TLE4: variants seen among roughly 807,000 people sequenced by gnomAD.
TLE4 encodes transducin-like enhancer protein 4.
A neutral mutation model predicts 92.8 loss-of-function variants in TLE4; 8 were observed. That is an observed-to-expected ratio of 0.09 (90% CI 0.05 to 0.16). The LOEUF (loss-of-function observed/expected upper bound fraction) is 0.16. Ranked by LOEUF, TLE4 falls within the 10% of genes least tolerant of loss-of-function variation. The pLI, the probability that TLE4 is intolerant of heterozygous loss-of-function variation, is 1.00. For synonymous variants in TLE4, 371 were observed against 374.1 expected, an observed-to-expected ratio of 0.99 and a Z score of 0.10; for missense variants, 675 against 997.6, an observed-to-expected ratio of 0.68 and a Z score of 4.36.
Position 79,708,731 on chromosome 9 carries a change from T to G in TLE4, c.1208T>G (p.Met403Arg). 1 of 1,611,828 alleles carries G rather than the reference T, an allele frequency of 6.2e-7. No individual in the cohort carries two copies. The highest frequency in any genetic ancestry group is 2.2e-5 in the East Asian group (1 of 44,878). ...YAGLHNISPQMSAAAAAAAAA... is the reference protein window; with the variant it reads ...YAGLHNISPQRSAAAAAAAAA... ...GGGCTCCACAACATCTCCCCTCAGA[T>G]GAGCGCAGCTGCTGCCGCCGCCGCT... is the stretch of plus-strand genomic sequence containing the variant. The change falls in exon 13 of 20, where the codon ATG becomes AGG. Residue 403 changes from methionine (M) to arginine (R), a missense_variant. Physicochemically the swap from Met to Arg is moderately conservative, Grantham distance 91. Coordinates refer to ENST00000376552, the MANE Select transcript of TLE4 (RefSeq NM_007005.6).
In TLE4 at chr9:79,599,245, T is replaced by C. The variant is rs56375340; in HGVS notation, c.253-13411T>C. On this transcript the variant is annotated intron_variant, in intron 4 of 19. Coordinates refer to ENST00000376552, the MANE Select transcript of TLE4 (RefSeq NM_007005.6). ...GTGTGGCATTCAAGACCTTCCATAG[T>C]CTGACCCCAGTGAACCTCTTCTGTC... is the stretch of plus-strand genomic sequence containing the variant. Among the ~76,000 whole-genome samples the C allele has an allele frequency of 1.4e-3, 210 of 152,306 alleles. 1 individual carries two copies. The highest frequency in any genetic ancestry group is 4.9e-3 in the African/African-American group (205 of 41,550).
Position 79,572,765 on chromosome 9 carries a change from G to A in TLE4, c.-26G>A. The A allele has an allele frequency of 6.3e-7, 1 of 1,596,632 alleles. No homozygotes were observed. The highest frequency in any genetic ancestry group is 1.1e-5 in the South Asian group (1 of 89,138). On this transcript the variant is annotated 5_prime_UTR_variant, in exon 1 of 20. Coordinates refer to ENST00000376552, the MANE Select transcript of TLE4 (RefSeq NM_007005.6). ...AGCCAATGAGCCGCGCGCCTCTGCC[G>A]AGCGCAGCCAACTAAATCGGCTTGG... is the stretch of plus-strand genomic sequence containing the variant.
At chr9:79,643,884 A>G (rs1184687686) in intron 6 of TLE4, among the ~76,000 whole-genome samples, 2 of 152,200 alleles carry the variant, frequency 1.3e-5, no homozygotes, top group Admixed American at 6.5e-5. Context: ...TCAAATTAAT[A>G]TTCTGTAAAG....
In TLE4 at chr9:79,574,926, A is replaced by C; in HGVS notation, c.197A>C (p.His66Pro). The change falls in exon 3 of 20, where the codon CAT (histidine) becomes CCT (proline). Residue 66 changes from histidine to proline, a missense_variant. His to Pro is a moderately conservative substitution (Grantham distance 77). Around this residue, in one of 5 missense-constraint regions of TLE4, gnomAD observed 68 missense variants for 141.2 expected, o/e 0.48. Coordinates refer to ENST00000376552, the MANE Select transcript of TLE4 (RefSeq NM_007005.6). ...LASEKTEMQR[H>P]YVMYYEMSYG... ...AGTGAGAAGACAGAGATGCAGCGGC[A>C]TTATGTCATGGTAAGAAAACCATGT... 6.2e-7 allele frequency: 1 copy of C among 1,613,512 alleles called. No homozygotes were observed. The highest frequency in any genetic ancestry group is 8.5e-7 in the Non-Finnish European group (1 of 1,179,544).
chr9:79,688,471 A>T (rs2066359470), intron 8 of TLE4, among the ~76,000 whole-genome samples: 1 of 152,038 alleles, frequency 6.6e-6, no homozygotes, highest in African/African-American at 2.4e-5. Context: ...GTGCAGTTGG[A>T]TTGCAGTATA....
chr9:79,654,495 A>ATTT (rs557985264), intron 8 of TLE4, among the ~76,000 whole-genome samples: 66 of 143,254 alleles, frequency 4.6e-4, no homozygotes, highest in African/African-American at 1.7e-3. Flanking sequence ...TGAATGGTGC[A>ATTT]TTTTTTTTTT....
intron 4 of TLE4, among the ~76,000 whole-genome samples, chr9:79,580,981 G>A (rs2039500064): frequency 6.6e-6 from 1 of 152,152 alleles, no homozygotes; most frequent in Admixed American, 6.5e-5. Flanking sequence ...GACTATGTGT[G>A]TGGGGGTGGG....
intron 9 of TLE4, among the ~76,000 whole-genome samples, chr9:79,705,179 AT>A (rs1054914672): frequency 2.0e-5 from 3 of 152,218 alleles, no homozygotes; most frequent in Admixed American, 6.5e-5. Flanking sequence ...TTCCCCATTC[AT>A]TTCAGAGTGG....
At chr9:79,691,202 C>G (rs1011630687) in intron 8 of TLE4, among the ~76,000 whole-genome samples, 2 of 152,110 alleles carry the variant, frequency 1.3e-5, no homozygotes, top group Admixed American at 1.3e-4. Context: ...CTCCAAGGCT[C>G]TGTTACCTGC....
chr9:79,656,676 T>C (rs1797146687), intron 8 of TLE4, among the ~76,000 whole-genome samples: 1 of 152,202 alleles, frequency 6.6e-6, no homozygotes, highest in Non-Finnish European at 1.5e-5. Context: ...TTTGATATGG[T>C]AGCAAAATTT....
chr9:79,582,150 T>C (rs1187518102), intron 4 of TLE4, among the ~76,000 whole-genome samples: 1 of 152,058 alleles, frequency 6.6e-6, no homozygotes, highest in Non-Finnish European at 1.5e-5. Context: ...GAGGGGAAAA[T>C]GTGATGTTTT....
chr9:79,638,486 C>G (rs2056451020), intron 6 of TLE4, among the ~76,000 whole-genome samples: 1 of 151,792 alleles, frequency 6.6e-6, no homozygotes, highest in African/African-American at 2.4e-5. Context: ...CAGAATGGTA[C>G]ATTCTTGAAT....
At position 79,577,251 on chromosome 9, in the gene TLE4, T is replaced by C. The variant is rs543056016; in HGVS notation, c.252+1074T>C. Among the ~76,000 whole-genome samples, 44 of 152,300 alleles carry C rather than the reference T, an allele frequency of 2.9e-4. 3 individuals carry two copies. In the South Asian group the frequency reaches 9.1e-3, roughly 32 times the overall value. ...CTATTTATGGATTCCTTTTTGGGTA[T>C]AGTTATTTTCTACATGCTCAGAACA... On this transcript the variant is annotated intron_variant, in intron 4 of 19. Transcript: ENST00000376552.
At chr9:79,632,301 C>T (rs938587669) in intron 6 of TLE4, among the ~76,000 whole-genome samples, 1 of 152,172 alleles carries the variant, frequency 6.6e-6, no homozygotes, top group African/African-American at 2.4e-5. Context: ...TATGCTACTC[C>T]ACAAAAGGTT....
chr9:79,718,091 A>G (rs955099563), intron 14 of TLE4: 1 of 456,490 alleles, frequency 2.2e-6, no homozygotes, highest in Non-Finnish European at 4.4e-6. Flanking sequence ...TGGGGCTGTC[A>G]GGATGCCTTT....
At chr9:79,692,226 G>A (rs1220265141) in intron 8 of TLE4, among the ~76,000 whole-genome samples, 1 of 152,174 alleles carries the variant, frequency 6.6e-6, no homozygotes, top group African/African-American at 2.4e-5. Context: ...CATGAATTCT[G>A]CAAGTTGGAG....
chr9:79,626,677 G>C (rs1425217076), intron 5 of TLE4, among the ~76,000 whole-genome samples: 1 of 152,160 alleles, frequency 6.6e-6, no homozygotes, highest in African/African-American at 2.4e-5. Flanking sequence ...CTGGAACTGA[G>C]TTGTGGATGG....
At chr9:79,580,914 T>C (rs1282481973) in intron 4 of TLE4, among the ~76,000 whole-genome samples, 1 of 152,202 alleles carries the variant, frequency 6.6e-6, no homozygotes, top group Non-Finnish European at 1.5e-5. Flanking sequence ...GATTATAAAA[T>C]CTTAAAGATG....
chr9:79,631,616 A>ATGTG (rs57129541), intron 6 of TLE4, among the ~76,000 whole-genome samples: 20,574 of 117,946 alleles, frequency 0.17, 1,965 homozygotes, highest in Non-Finnish European at 0.19. Context: ...TGAACCTTAA[A>ATGTG]TGTGTGTGTG....
Sources: gnomAD v4.1 joint callset for allele counts (sites outside exome capture counted in the v4.1 genomes callset) on GRCh38, gnomAD v4.1.1 for gene constraint, gnomAD v4.1.1 regional missense constraint, MANE v1.5 for transcripts, NCBI Gene and HGNC (gene_info 2026-07-23, HGNC 2026-07-21) for gene names.